The following CLYBL variants were observed in gnomAD, a reference collection of about 807,000 sequenced individuals.
CLYBL encodes the protein citramalyl-CoA lyase, mitochondrial.
A neutral mutation model predicts 38.9 loss-of-function variants in CLYBL; 31 were observed. That is an observed-to-expected ratio of 0.80 (90% CI 0.60 to 1.08). CLYBL has a LOEUF of 1.08. Among genes scored for constraint, CLYBL ranks in the 50% least tolerant of loss-of-function variants. The pLI is 0.00. For missense variants in CLYBL, 434 were observed against 411.6 expected (o/e 1.05, Z -0.47); for synonymous variants, 171 against 158.6 (o/e 1.08, Z -0.59).
At chr13:99,899,161 G>A (rs765729431), downstream of CLYBL, among the ~76,000 whole-genome samples, 1 of 152,118 alleles carries the variant, frequency 6.6e-6, no homozygotes, top group African/African-American at 2.4e-5. Context: ...AGAGAGATGC[G>A]CCACTTCCAG....
At chr13:99,692,277 G>GT (rs113949110) in intron 1 of CLYBL, among the ~76,000 whole-genome samples, 15,475 of 121,828 alleles carry the variant, frequency 0.13, 1,527 homozygotes, top group African/African-American at 0.27. Flanking sequence ...GTTCACATTT[G>GT]TTTTTTTTGT....
intron 2 of CLYBL, among the ~76,000 whole-genome samples, chr13:99,836,791 G>A (rs931787732): frequency 2.6e-5 from 4 of 151,958 alleles, no homozygotes; most frequent in Non-Finnish European, 4.4e-5. Flanking sequence ...TAAAAGGAGA[G>A]TTGGAACCAA....
At chr13:99,839,738 A>C (rs942546546) in intron 2 of CLYBL, among the ~76,000 whole-genome samples, 4 of 152,010 alleles carry the variant, frequency 2.6e-5, no homozygotes, top group African/African-American at 9.7e-5. Context: ...GGTACATGAG[A>C]TACTTTGATT....
chr13:99,690,206 T>G (rs968338107), intron 1 of CLYBL: 1 of 152,212 alleles, frequency 6.6e-6, no homozygotes, highest in Non-Finnish European at 1.5e-5. Context: ...TCTTTTTTAT[T>G]GTTAAATCCA....
intron 1 of CLYBL, among the ~76,000 whole-genome samples, chr13:99,760,307 A>G (rs2049140909): frequency 6.6e-6 from 1 of 152,152 alleles, no homozygotes. Context: ...TTCTGTTCTC[A>G]ACTTCATTAT....
intron 1 of CLYBL, among the ~76,000 whole-genome samples, chr13:99,687,974 G>T (rs574721016): frequency 6.6e-6 from 1 of 152,320 alleles, no homozygotes; most frequent in East Asian, 1.9e-4. Context: ...GGAGGAATGG[G>T]CCCAGATGGC....
intron 1 of CLYBL, among the ~76,000 whole-genome samples, chr13:99,692,091 T>G (rs1392596015): frequency 6.6e-6 from 1 of 152,168 alleles, no homozygotes; most frequent in African/African-American, 2.4e-5. Flanking sequence ...GTGATTTGTT[T>G]TCTTCACTCA....
intron 2 of CLYBL, among the ~76,000 whole-genome samples, chr13:99,812,495 C>T (rs1309029330): frequency 2.0e-5 from 3 of 152,166 alleles, no homozygotes; most frequent in Non-Finnish European, 4.4e-5. Flanking sequence ...GTATTAAATG[C>T]CCCTGTGGCC....
intron 2 of CLYBL, among the ~76,000 whole-genome samples, chr13:99,853,179 A>G (rs1001196309): frequency 2.0e-5 from 3 of 151,984 alleles, no homozygotes; most frequent in African/African-American, 4.8e-5. Flanking sequence ...TTCTTTTCAT[A>G]GGTTTATTGT....
intron 1 of CLYBL, among the ~76,000 whole-genome samples, chr13:99,730,199 C>T (rs2048563185): frequency 6.6e-6 from 1 of 152,234 alleles, no homozygotes; most frequent in Non-Finnish European, 1.5e-5. Flanking sequence ...ACTCAGGAAA[C>T]CAGCCTCTTG....
At chr13:99,892,046 C>A (rs928829990) in intron 8 of CLYBL, 5 of 152,198 alleles carry the variant, frequency 3.3e-5, no homozygotes, top group African/African-American at 4.8e-5. Context: ...AGACGATGAA[C>A]ACGAAAGCTG....
intron 2 of CLYBL, among the ~76,000 whole-genome samples, chr13:99,814,938 G>T (rs989521884): frequency 6.6e-6 from 1 of 152,130 alleles, no homozygotes; most frequent in Non-Finnish European, 1.5e-5. Flanking sequence ...AGCTGAGGCA[G>T]GAGAATGGAG....
chr13:99,733,485 T>C (rs1408782125), intron 1 of CLYBL, among the ~76,000 whole-genome samples: 1 of 152,246 alleles, frequency 6.6e-6, no homozygotes, highest in East Asian at 1.9e-4. Context: ...TTGCTTTTTA[T>C]CTTGTGCACC....
chr13:99,893,980 A>G (rs1487511869), downstream of CLYBL: 2 of 151,990 alleles, frequency 1.3e-5, no homozygotes, highest in African/African-American at 2.4e-5. Context: ...CTCATAACCC[A>G]TGGTCCCTAT....
At chr13:99,721,298 C>T (rs1033217101) in intron 1 of CLYBL, among the ~76,000 whole-genome samples, 29 of 152,030 alleles carry the variant, frequency 1.9e-4, no homozygotes, top group Non-Finnish European at 4.4e-5. Context: ...CCCGCCTCAG[C>T]CTCCCAAAGT....
At chr13:99,863,227 T>C (rs1338007524) in intron 4 of CLYBL, 135 bp downstream of exon 4, 3 of 497,002 alleles carry the variant, frequency 6.0e-6, no homozygotes, top group Non-Finnish European at 1.0e-5. Flanking sequence ...TTGAGCACCA[T>C]TTGTTATCTG....
chr13:99,665,293 G>T (rs1469112547), intron 1 of CLYBL, among the ~76,000 whole-genome samples: 1 of 151,388 alleles, frequency 6.6e-6, no homozygotes, highest in Non-Finnish European at 1.5e-5. Flanking sequence ...AGTGCTAAAG[G>T]TTAAAAGCAA....
intron 1 of CLYBL, 41 bp downstream of exon 1, chr13:99,606,798 C>T (rs954581009): frequency 3.7e-6 from 5 of 1,353,288 alleles, no homozygotes; most frequent in African/African-American, 1.5e-5. Flanking sequence ...CGGCCCGGCT[C>T]GCCGCGGGTC....
chr13:99,896,209 C>G (rs1353416200), downstream of CLYBL: 3 of 152,032 alleles, frequency 2.0e-5, no homozygotes, highest in Admixed American at 6.6e-5. Context: ...GTCGCGCAGC[C>G]CGGCTGTAAT....
Sources: allele counts gnomAD v4.1 joint callset (sites outside exome capture counted in the v4.1 genomes callset), GRCh38; gene constraint gnomAD v4.1.1; transcripts MANE v1.5; gene names NCBI Gene and HGNC (gene_info 2026-07-23, HGNC 2026-07-21).